LRP2: variants seen among roughly 807,000 people sequenced by gnomAD.
LRP2 encodes the protein low-density lipoprotein receptor-related protein 2.
In LRP2, 172 loss-of-function variants were observed where a neutral mutation model predicts 531.0. The ratio of observed to expected loss-of-function variants is 0.32; its 90% CI spans 0.29 to 0.37. The LOEUF (loss-of-function observed/expected upper bound fraction) is 0.37. Among genes scored for constraint, LRP2 ranks in the 10% least tolerant of loss-of-function variants. The pLI is 1.00. For synonymous variants in LRP2, 1,992 were observed against 2,027.6 expected (o/e 0.98, Z 0.47); for missense variants, 5,167 against 5,868.3 (o/e 0.88, Z 3.90).
chr2:169,314,474 G>T (rs1453631775), intron 3 of LRP2, among the ~76,000 whole-genome samples: 1 of 151,566 alleles, frequency 6.6e-6, no homozygotes, highest in Non-Finnish European at 1.5e-5. Context: ...AGTTTTCAAG[G>T]TGGTACTTGA....
At position 169,259,957 on chromosome 2, in the gene LRP2, A is replaced by G. The variant is rs752595149; in HGVS notation, c.2321-740T>C. On this transcript the variant is annotated intron_variant, in intron 16 of 78. Transcript: ENST00000649046. ...CTATGTGATAGAAAGCCAACTATAT[A>G]TTTAGAAAACACAATATTGTTAGTA... is the stretch of plus-strand genomic sequence containing the variant. 5.5e-4 allele frequency among the ~76,000 whole-genome samples: 84 copies of G among 152,242 alleles called. 1 individual carries two copies. The highest frequency in any genetic ancestry group is 2.1e-4 in the Non-Finnish European group (14 of 68,004).
At chr2:169,130,487 T>C (rs1401070813) in intron 77 of LRP2, among the ~76,000 whole-genome samples, 1 of 152,066 alleles carries the variant, frequency 6.6e-6, no homozygotes, top group Non-Finnish European at 1.5e-5. Flanking sequence ...GGGGTTTCAC[T>C]ATGTTGGCCA....
intron 16 of LRP2, among the ~76,000 whole-genome samples, chr2:169,259,609 G>A (rs938615670): frequency 6.6e-6 from 1 of 151,984 alleles, no homozygotes; most frequent in Non-Finnish European, 1.5e-5. Flanking sequence ...CACCAGGTAC[G>A]ACCTGAGGGT....
At chr2:169,166,132 C>A (rs997747677) in intron 61 of LRP2, 78 bp from the exon 62 acceptor site, 21 of 1,478,994 alleles carry the variant, frequency 1.4e-5, no homozygotes, top group Non-Finnish European at 1.9e-5. Flanking sequence ...ACTCCAGTGT[C>A]AGCACCAGGC....
At chr2:169,189,534 C>T (rs1009609081) in intron 48 of LRP2, among the ~76,000 whole-genome samples, 4 of 152,190 alleles carry the variant, frequency 2.6e-5, no homozygotes, top group Non-Finnish European at 4.4e-5. Context: ...CTTTCAGACA[C>T]TATTGCAAGT....
intron 1 of LRP2, among the ~76,000 whole-genome samples, chr2:169,329,639 C>T (rs1685210987): frequency 1.3e-5 from 2 of 152,168 alleles, no homozygotes; most frequent in Non-Finnish European, 2.9e-5. Flanking sequence ...ATGAAAAGAG[C>T]TTGGAGCTCC....
intron 30 of LRP2, 119 bp from the exon 31 acceptor site, chr2:169,231,961 G>A (rs1689423216): frequency 8.2e-7 from 1 of 1,226,350 alleles, no homozygotes; most frequent in Non-Finnish European, 1.2e-6. Context: ...TAAGTACGTT[G>A]TTACCTCTGT....
At chr2:169,298,332 T>C (rs1462245988) in intron 4 of LRP2, among the ~76,000 whole-genome samples, 1 of 152,132 alleles carries the variant, frequency 6.6e-6, no homozygotes, top group Admixed American at 6.6e-5. Flanking sequence ...GTAAATACTA[T>C]GATGACTCCC....
chr2:169,242,228 ACTC>A (rs1287340645), intron 24 of LRP2, among the ~76,000 whole-genome samples: 2 of 152,164 alleles, frequency 1.3e-5, no homozygotes, highest in African/African-American at 2.4e-5. Flanking sequence ...CAAATGATCA[ACTC>A]ACTGATGAGT....
intron 31 of LRP2, among the ~76,000 whole-genome samples, chr2:169,231,184 C>T (rs1039852696): frequency 1.3e-5 from 2 of 151,828 alleles, no homozygotes; most frequent in Non-Finnish European, 2.9e-5. Context: ...GTCTCATCTA[C>T]TCAGGAGGCT....
intron 9 of LRP2, among the ~76,000 whole-genome samples, chr2:169,288,248 T>C (rs919430579): frequency 1.3e-5 from 2 of 152,162 alleles, no homozygotes; most frequent in Non-Finnish European, 2.9e-5. Flanking sequence ...TGATAGTTGG[T>C]CAAGTCTAAT....
chr2:169,159,994 T>C (rs192551948), intron 63 of LRP2, among the ~76,000 whole-genome samples: 8 of 152,304 alleles, frequency 5.3e-5, no homozygotes, highest in Non-Finnish European at 1.2e-4. Flanking sequence ...CTTATCATTG[T>C]TTTCATTTGA....
intron 1 of LRP2, among the ~76,000 whole-genome samples, chr2:169,327,245 C>A (rs1263126552): frequency 1.1e-5 from 1 of 88,304 alleles, no homozygotes; most frequent in Non-Finnish European, 2.5e-5. Context: ...GGGGTCAGCC[C>A]CACGTCCGGG....
chr2:169,153,461 C>T (rs1445643282), intron 66 of LRP2, among the ~76,000 whole-genome samples: 1 of 152,184 alleles, frequency 6.6e-6, no homozygotes, highest in African/African-American at 2.4e-5. Flanking sequence ...CACTGGACAC[C>T]TGCTGCTTTC....
Position 169,209,581 on chromosome 2 carries a change from A to C in LRP2, c.6341T>G (p.Phe2114Cys). The change falls in exon 38 of 79, where the codon TTT becomes TGT. Residue 2114 changes from phenylalanine (F) to cysteine (C), a missense_variant. Phe to Cys is a radical substitution (Grantham distance 205, BLOSUM62 -2). Around this residue, in one of 6 missense-constraint regions of LRP2, gnomAD observed 2,811 missense variants for 3,058.0 expected, o/e 0.92. Transcript: ENST00000649046. ...VSSGFIYWCD[F>C]SSSVASDNAI... ...ATTATCAGATGCCACTGAGCTGCTA[A>C]AATCACACCAATAAATAAAGCCAGA... 6.2e-7 allele frequency: 1 copy of C among 1,614,176 alleles called. No homozygotes were observed.
intron 22 of LRP2, among the ~76,000 whole-genome samples, 160 bp downstream of exon 22, chr2:169,244,533 G>A (rs1689931028): frequency 6.6e-6 from 1 of 152,186 alleles, no homozygotes; most frequent in Admixed American, 6.5e-5. Flanking sequence ...ACGTGCCTTT[G>A]TTCTTGTAAC....
intron 76 of LRP2, among the ~76,000 whole-genome samples, chr2:169,133,937 G>A (rs537673593): frequency 9.2e-4 from 140 of 152,248 alleles, no homozygotes; most frequent in African/African-American, 3.1e-3. Context: ...CATTACTTCA[G>A]TCAAGCCCAA....
intron 4 of LRP2, among the ~76,000 whole-genome samples, chr2:169,306,910 A>G (rs1433691149): frequency 6.6e-6 from 1 of 152,218 alleles, no homozygotes; most frequent in Non-Finnish European, 1.5e-5. Flanking sequence ...AAAGCAGGAA[A>G]ACTAGTGAGA....
chr2:169,213,509 A>T (rs1688669645), intron 36 of LRP2, 148 bp downstream of exon 36: 2 of 759,896 alleles, frequency 2.6e-6, no homozygotes, highest in Admixed American at 2.0e-5. Context: ...TTAAGACTTC[A>T]TTATCATTTT....
Sources: allele counts gnomAD v4.1 joint callset (sites outside exome capture counted in the v4.1 genomes callset), GRCh38; gene constraint gnomAD v4.1.1; regional missense constraint gnomAD v4.1.1; transcripts MANE v1.5; gene names NCBI Gene and HGNC (gene_info 2026-07-23, HGNC 2026-07-21).